The following KLHL32 variants were observed in gnomAD, a reference collection of about 807,000 sequenced individuals.
KLHL32 encodes kelch like family member 32, also known as kelch-like protein 32.
Under a neutral mutation model 64.8 loss-of-function variants are expected in KLHL32, and 35 were observed. That is an observed-to-expected ratio of 0.54 (90% CI 0.41 to 0.72). The LOEUF is 0.72. Among genes scored for constraint, KLHL32 ranks in the 30% least tolerant of loss-of-function variants. KLHL32 has a pLI of 0.00. For synonymous variants in KLHL32, 259 were observed against 281.0 expected (o/e 0.92, Z 0.78); for missense variants, 589 against 768.5 (o/e 0.77, Z 2.76).
In KLHL32 at chr6:97,085,129, T is replaced by C. The variant is rs748225675; in HGVS notation, c.415T>C (p.Leu139=). ...NLCSHYLIQE[L]NSFNYLDLYR... The stretch of plus-strand genomic sequence containing the variant: ...ATTTTTATTTTTTGGCACCCAGGAA[T>C]TAAATAGCTTTAATTACTTGGATCT... The change falls in exon 6 of 11, where the codon TTA becomes CTA. Residue 139 remains leucine (L), a synonymous_variant. Coordinates refer to ENST00000369261, the MANE Select transcript of KLHL32 (RefSeq NM_052904.4). 3 of 1,610,642 alleles carry C rather than the reference T, an allele frequency of 1.9e-6. No homozygotes were observed. In the South Asian group the frequency reaches 3.3e-5, roughly 18 times the overall value.
At chr6:97,102,069 A>G (rs1478119456) in intron 6 of KLHL32, among the ~76,000 whole-genome samples, 1 of 152,192 alleles carries the variant, frequency 6.6e-6, no homozygotes, top group East Asian at 1.9e-4. Context: ...AGGTATTATC[A>G]TACTTGTTTT....
intron 2 of KLHL32, among the ~76,000 whole-genome samples, chr6:96,968,094 C>CTA (rs1201828824): frequency 2.6e-5 from 4 of 152,102 alleles, no homozygotes; most frequent in African/African-American, 9.7e-5. Context: ...GACTCTGAAG[C>CTA]TATTAGAGGT....
intron 10 of KLHL32, among the ~76,000 whole-genome samples, chr6:97,135,924 A>G (rs866198531): frequency 1.1e-4 from 16 of 152,198 alleles, no homozygotes; most frequent in Admixed American, 5.2e-4. Context: ...AGGCAAGATG[A>G]TGGGAGACTG....
At chr6:97,110,073 C>T (rs1369782191) in intron 6 of KLHL32, among the ~76,000 whole-genome samples, 1 of 152,122 alleles carries the variant, frequency 6.6e-6, no homozygotes, top group African/African-American at 2.4e-5. Context: ...CTTGAAAATT[C>T]CAAGATTAGG....
chr6:97,016,047 C>T (rs1781143605), intron 3 of KLHL32, among the ~76,000 whole-genome samples: 2 of 152,182 alleles, frequency 1.3e-5, no homozygotes, highest in South Asian at 4.1e-4. Context: ...ATGGAAATAC[C>T]TGCATGTCCA....
At chr6:97,044,551 T>A (rs56153552) in intron 4 of KLHL32, among the ~76,000 whole-genome samples, 3,722 of 152,230 alleles carry the variant, frequency 0.024, 50 homozygotes, top group East Asian at 0.071. Context: ...CTTCTTTAAT[T>A]TTCTGAAAGA....
At chr6:97,088,638 T>A (rs1243945983) in intron 6 of KLHL32, among the ~76,000 whole-genome samples, 1 of 152,214 alleles carries the variant, frequency 6.6e-6, no homozygotes, top group Non-Finnish European at 1.5e-5. Context: ...AGGGATATGT[T>A]AATTAATTTG....
intron 1 of KLHL32, among the ~76,000 whole-genome samples, chr6:96,949,939 G>A (rs1277393555): frequency 6.6e-6 from 1 of 151,946 alleles, no homozygotes; most frequent in Non-Finnish European, 1.5e-5. Flanking sequence ...ATTATGGCTA[G>A]TGTTTTGAGT....
rs552376906 is a variant in KLHL32 at position 96,990,798 on chromosome 6, A to G, written c.204+14621A>G. 7.9e-5 allele frequency among the ~76,000 whole-genome samples: 12 copies of G among 152,122 alleles called. No homozygotes were observed. The South Asian group carries it at 2.5e-3, about 32-fold the overall frequency. On this transcript the variant is annotated intron_variant, in intron 3 of 10. Transcript: ENST00000369261. ...CTTGGTGATGAGCAGGGAGCATTGG[A>G]GGCTCATAGGTGAGCTAGACTGGCC...
intron 6 of KLHL32, among the ~76,000 whole-genome samples, chr6:97,088,613 T>C (rs1187014214): frequency 2.0e-5 from 3 of 152,212 alleles, no homozygotes; most frequent in African/African-American, 4.8e-5. Context: ...GGATCTAATA[T>C]AGAGCATGGG....
chr6:96,922,448 T>C (rs1768779587), upstream of KLHL32, among the ~76,000 whole-genome samples: 1 of 152,126 alleles, frequency 6.6e-6, no homozygotes, highest in Non-Finnish European at 1.5e-5. Context: ...TTCTACTAAG[T>C]TCCTTCTTGC....
intron 3 of KLHL32, among the ~76,000 whole-genome samples, chr6:97,032,943 T>G (rs886892346): frequency 6.6e-6 from 1 of 152,040 alleles, no homozygotes; most frequent in Non-Finnish European, 1.5e-5. Context: ...TTTTTTTTTT[T>G]TTATCTATAG....
the KLHL32 span, among the ~76,000 whole-genome samples, chr6:96,910,906 C>A: frequency 6.6e-6 from 1 of 152,054 alleles, no homozygotes; most frequent in Non-Finnish European, 1.5e-5. Context: ...ATTTTAAATA[C>A]CATTATTTAC....
intron 3 of KLHL32, among the ~76,000 whole-genome samples, chr6:96,980,719 A>G (rs1050138958): frequency 6.6e-6 from 1 of 152,174 alleles, no homozygotes; most frequent in Non-Finnish European, 1.5e-5. Flanking sequence ...TTGTAAAAGT[A>G]GTTTTAGTAG....
rs1415055388 is a variant in KLHL32, at chr6:97,139,874, G to A, written c.*592G>A. 1 of 152,146 alleles carries A rather than the reference G, an allele frequency of 6.6e-6. No individual in the cohort carries two copies. The highest frequency in any genetic ancestry group is 1.5e-5 in the Non-Finnish European group (1 of 68,028). The allele number at this position is 152,146 out of a possible 1,614,324, so 9.4% of individuals were successfully genotyped here. A position where few individuals can be genotyped will look rare whatever the true frequency, so the allele number is the denominator to read the frequency against. ...CCAGATTTTTCACCTTGGTTACTCT[G>A]ACCTTGGGTCAGAACCTAACTTTAC... On this transcript the variant is annotated 3_prime_UTR_variant, in exon 11 of 11. Coordinates refer to ENST00000369261, the MANE Select transcript of KLHL32 (RefSeq NM_052904.4).
intron 4 of KLHL32, among the ~76,000 whole-genome samples, chr6:97,053,691 T>C (rs2128138857): frequency 6.6e-6 from 1 of 152,134 alleles, no homozygotes; most frequent in African/African-American, 2.4e-5. Flanking sequence ...ACTTCTTTTC[T>C]GGAATTAGGT....
At chr6:96,968,656 ACCCAGAG>A (rs2128035842) in intron 2 of KLHL32, among the ~76,000 whole-genome samples, 1 of 152,194 alleles carries the variant, frequency 6.6e-6, no homozygotes, top group African/African-American at 2.4e-5. Context: ...CTCTGCTTCA[ACCCAGAG>A]CCCTCCCTTC....
chr6:97,069,400 C>CTTTTTTTTT lies in KLHL32; in HGVS notation c.411+4683_411+4691dup, dbSNP rs199967868. Among the ~76,000 whole-genome samples the CTTTTTTTTT allele has an allele frequency of 4.5e-5, 6 of 134,570 alleles. 1 individual carries two copies. The highest frequency in any genetic ancestry group is 6.4e-5 in the Non-Finnish European group (4 of 62,458). 88.3% of individuals were successfully genotyped at this position (134,570 alleles called of 152,430 possible). ...AGGAGAATTCTGGGTGATTTTGTTCCTTTTTTTTTTTTTTTTTGTACCAAT... is the reference window on the plus strand; with the variant it reads ...AGGAGAATTCTGGGTGATTTTGTTCCTTTTTTTTTTTTTTTTTTTTTTTTTTGTACCAAT... On this transcript the variant is annotated intron_variant, in intron 5 of 10. Coordinates refer to ENST00000369261, the MANE Select transcript of KLHL32 (RefSeq NM_052904.4).
At chr6:97,059,254 A>C (rs181201160) in intron 4 of KLHL32, among the ~76,000 whole-genome samples, 1 of 152,324 alleles carries the variant, frequency 6.6e-6, no homozygotes, top group East Asian at 1.9e-4. Context: ...GAGGACATTG[A>C]AGATGGAGAA....
Sources: gnomAD v4.1 joint callset for allele counts (sites outside exome capture counted in the v4.1 genomes callset) on GRCh38, gnomAD v4.1.1 for gene constraint, MANE v1.5 for transcripts, NCBI Gene and HGNC (gene_info 2026-07-23, HGNC 2026-07-21) for gene names.